The following ABCC12 variants were observed in gnomAD, a reference collection of about 807,000 sequenced individuals.
ABCC12 encodes the protein ATP binding cassette subfamily C member 12, also known as ATP-binding cassette sub-family C member 12.
In ABCC12, 142 loss-of-function variants were observed where a neutral mutation model predicts 151.1. The observed-to-expected ratio is 0.94, with a 90% confidence interval of 0.82 to 1.08. ABCC12 has a LOEUF of 1.08. Among genes scored for constraint, ABCC12 ranks in the 50% least tolerant of loss-of-function variants. ABCC12 has a pLI of 0.00. For missense variants in ABCC12, 1,638 were observed against 1,691.1 expected (o/e 0.97, Z 0.55); for synonymous variants, 645 against 646.4 (o/e 1.00, Z 0.03).
At chr16:48,119,695 A>G (rs956418070) in intron 13 of ABCC12, among the ~76,000 whole-genome samples, 2 of 152,236 alleles carry the variant, frequency 1.3e-5, no homozygotes, top group Non-Finnish European at 2.9e-5. Flanking sequence ...GGTGGGTAAG[A>G]TGAGAAAGGC....
intron 18 of ABCC12, among the ~76,000 whole-genome samples, chr16:48,110,701 C>T (rs1567449475): frequency 6.6e-6 from 1 of 152,120 alleles, no homozygotes; most frequent in African/African-American, 2.4e-5. Context: ...CACAGTGTCC[C>T]CAGCAAACTC....
chr16:48,126,643 G>A (rs955103673), intron 11 of ABCC12, among the ~76,000 whole-genome samples: 10 of 152,172 alleles, frequency 6.6e-5, no homozygotes, highest in Admixed American at 4.6e-4. Flanking sequence ...GTACTTCTAT[G>A]AAATGCATGG....
chr16:48,107,264 G>C (rs745865232), intron 20 of ABCC12, 58 bp downstream of exon 20: 53 of 1,515,800 alleles, frequency 3.5e-5, no homozygotes, highest in Admixed American at 3.0e-4. Flanking sequence ...TGCTCTGGCA[G>C]CAGAGTTTTA....
At chr16:48,105,598 T>C (rs1715015084) in intron 20 of ABCC12, among the ~76,000 whole-genome samples, 3 of 152,116 alleles carry the variant, frequency 2.0e-5, no homozygotes, top group Admixed American at 1.3e-4. Flanking sequence ...AGAAACCAGA[T>C]GGGCACTGGG....
chr16:48,127,102 G>A (rs1284714294), intron 11 of ABCC12, among the ~76,000 whole-genome samples: 3 of 152,100 alleles, frequency 2.0e-5, no homozygotes, highest in Non-Finnish European at 4.4e-5. Flanking sequence ...CAATGAATAC[G>A]TGGCAGACAG....
intron 27 of ABCC12, chr16:48,087,056 G>A (rs1962643507): frequency 4.4e-6 from 2 of 451,146 alleles, no homozygotes; most frequent in Admixed American, 3.4e-5. Context: ...GCAATGACAG[G>A]TGGAACCCTG....
rs1439063105 is a variant in ABCC12 at position 48,128,571 on chromosome 16, C to T, written c.1403G>A (p.Arg468Lys). 2 of 1,614,112 alleles carry T rather than the reference C, an allele frequency of 1.2e-6. No homozygotes were observed. Among genetic ancestry groups the T allele is most frequent in the Non-Finnish European group, 1.7e-6 (2 of 1,180,056 alleles). Residue 468 changes from arginine to lysine, a missense_variant, in exon 11 of 31, where the codon AGG (arginine) becomes AAG (lysine). Arg to Lys is a conservative substitution (Grantham distance 26, BLOSUM62 2). Coordinates refer to ENST00000311303, the MANE Select transcript of ABCC12 (RefSeq NM_001393797.1). ...NQKRHLCKKQ[R>K]SEAYSERSPP... Reference sequence around the variant, plus strand: ...ACTCCTCTCACTGTATGCCTCTGACCTCTGTTTCTTGCATAAATGCCTTTT... The same window carrying T: ...ACTCCTCTCACTGTATGCCTCTGACTTCTGTTTCTTGCATAAATGCCTTTT...
In ABCC12 at chr16:48,108,526, G is replaced by A; in HGVS notation, c.2285C>T (p.Pro762Leu). 1.9e-6 allele frequency: 3 copies of A among 1,613,760 alleles called. No individual in the cohort carries two copies. The highest frequency in any genetic ancestry group is 2.5e-6 in the Non-Finnish European group (3 of 1,179,898). ...TGSEFVDTKV[P>L]EHQLIQTESP... ...TTCAGTCTGGATGAGCTGGTGCTCA[G>A]GAACTGTGGAGACAAACACAAGTGC... The change falls in exon 19 of 31, where the codon CCT becomes CTT. Residue 762 changes from proline (P) to leucine (L), a missense_variant. Transcript: ENST00000311303.
intron 2 of ABCC12, among the ~76,000 whole-genome samples, chr16:48,149,742 CT>C (rs1965092729): frequency 6.6e-6 from 1 of 152,158 alleles, no homozygotes; most frequent in African/African-American, 2.4e-5. Context: ...ATAAAGAATT[CT>C]CAATACATTA....
At chr16:48,127,011 C>T (rs1342614150) in intron 11 of ABCC12, among the ~76,000 whole-genome samples, 2 of 152,022 alleles carry the variant, frequency 1.3e-5, no homozygotes, top group Non-Finnish European at 2.9e-5. Flanking sequence ...GGGAGAGTGG[C>T]GAGAAGGCAA....
At chr16:48,120,665 C>T (rs1166944645) in intron 13 of ABCC12, among the ~76,000 whole-genome samples, 8 of 151,500 alleles carry the variant, frequency 5.3e-5, no homozygotes, top group Admixed American at 1.3e-4. Context: ...AAGCAATTCT[C>T]CTGCCTCAGC....
intron 24 of ABCC12, among the ~76,000 whole-genome samples, chr16:48,091,485 A>G (rs1011901970): frequency 1.3e-5 from 2 of 152,178 alleles, no homozygotes; most frequent in Non-Finnish European, 2.9e-5. Context: ...CCACAGAACC[A>G]CTTGATCACA....
intron 10 of ABCC12, among the ~76,000 whole-genome samples, chr16:48,129,233 T>C (rs1964341040): frequency 6.6e-6 from 1 of 152,144 alleles, no homozygotes; most frequent in Admixed American, 6.5e-5. Context: ...CTTGAAGAGA[T>C]TACAGTCTGG....
In ABCC12 at chr16:48,141,321, C is replaced by T; in HGVS notation, c.308G>A (p.Arg103Lys). Residue 103 changes from arginine (R) to lysine (K), a missense_variant, in exon 5 of 31, where the codon AGG becomes AAG. Arg to Lys is a conservative substitution (Grantham distance 26). Coordinates refer to ENST00000311303, the MANE Select transcript of ABCC12 (RefSeq NM_001393797.1). Reference protein sequence around the residue: ...FRVLWDEEVARVGPEKASLSH... With the variant: ...FRVLWDEEVAKVGPEKASLSH... The stretch of plus-strand genomic sequence containing the variant: ...CAGAGAGGCCTTCTCAGGACCCACC[C>T]TTGCTACCTCTTCATCCCAAAGGAC... 1 of 1,614,228 alleles carries T rather than the reference C, an allele frequency of 6.2e-7. No individual in the cohort carries two copies.
intron 13 of ABCC12, chr16:48,121,447 G>A: frequency 5.6e-6 from 2 of 358,884 alleles, no homozygotes; most frequent in Non-Finnish European, 1.0e-5. Flanking sequence ...CTGTTGCAGA[G>A]AACCTCGGAA....
intron 19 of ABCC12, 52 bp downstream of exon 19, chr16:48,108,388 A>G: frequency 6.6e-7 from 1 of 1,518,350 alleles, no homozygotes; most frequent in South Asian, 1.1e-5. Context: ...AGTTTAAGAC[A>G]GGATTTTTAA....
At chr16:48,101,378 A>C (rs1963303495) in intron 22 of ABCC12, among the ~76,000 whole-genome samples, 1 of 152,136 alleles carries the variant, frequency 6.6e-6, no homozygotes, top group Non-Finnish European at 1.5e-5. Flanking sequence ...AAGTGATCTG[A>C]TCTAACTCTG....
intron 18 of ABCC12, among the ~76,000 whole-genome samples, chr16:48,110,234 C>T (rs1370000304): frequency 2.0e-5 from 3 of 149,302 alleles, no homozygotes; most frequent in Non-Finnish European, 4.4e-5. Flanking sequence ...AGGCTCACTT[C>T]TTTCCCCCAC....
intron 20 of ABCC12, among the ~76,000 whole-genome samples, chr16:48,105,683 G>C (rs1192237272): frequency 1.2e-4 from 19 of 152,158 alleles, no homozygotes; most frequent in Admixed American, 1.2e-3. Flanking sequence ...AGAGGCAAAT[G>C]GGGAATTGGA....
Sources: gnomAD v4.1 joint callset for allele counts (sites outside exome capture counted in the v4.1 genomes callset) on GRCh38, gnomAD v4.1.1 for gene constraint, MANE v1.5 for transcripts, NCBI Gene and HGNC (gene_info 2026-07-23, HGNC 2026-07-21) for gene names.